The following EXOC6B variants were observed in gnomAD, a reference collection of about 807,000 sequenced individuals.
EXOC6B encodes the protein SEC15 homolog B.
EXOC6B carries 54 observed loss-of-function variants against 113.5 expected under a neutral mutation model. The observed-to-expected ratio is 0.48, with a 90% CI of 0.38 to 0.60. The LOEUF (loss-of-function observed/expected upper bound fraction) is 0.60. EXOC6B is among the 20% of genes least tolerant of loss of function. EXOC6B has a pLI of 0.00. For synonymous variants in EXOC6B, 357 were observed against 339.0 expected (o/e 1.05, Z -0.58); for missense variants, 797 against 977.5 (o/e 0.82, Z 2.46).
chr2:72,470,339 C>G lies in EXOC6B; in HGVS notation c.1801-5000G>C, dbSNP rs188254721. ...CCTAGGTATTCTAATGTTTTTGAAG[C>G]TATTGTAAATAGGACTGCCTTCTTG... On this transcript the variant is annotated intron_variant, in intron 17 of 21. Transcript: ENST00000272427. 3.4e-3 allele frequency among the ~76,000 whole-genome samples: 513 copies of G among 152,178 alleles called. 1 individual carries two copies. The highest frequency in any genetic ancestry group is 0.011 in the African/African-American group (476 of 41,538).
chr2:72,395,675 T>C (rs1490716173), intron 18 of EXOC6B, among the ~76,000 whole-genome samples: 1 of 152,054 alleles, frequency 6.6e-6, no homozygotes, highest in African/African-American at 2.4e-5. Context: ...TGGAGAGAAA[T>C]AGCAAAGATT....
At position 72,178,816 on chromosome 2, in the gene EXOC6B, G is replaced by A. The variant is rs1677902781; in HGVS notation, c.*519C>T. 1 of 152,560 alleles carries A rather than the reference G, an allele frequency of 6.6e-6. No homozygotes were observed. The highest frequency in any genetic ancestry group is 2.4e-5 in the African/African-American group (1 of 41,444). 9.5% of individuals were successfully genotyped at this position (152,560 alleles called of 1,614,324 possible). On this transcript the variant is annotated 3_prime_UTR_variant, in exon 22 of 22. Coordinates refer to ENST00000272427, the MANE Select transcript of EXOC6B (RefSeq NM_015189.3). ...GTTCACAAGCCAGTGAAAGTCAGCA[G>A]ACTGAGGAGATGACCCTCCAGAGCT...
At chr2:72,585,569 C>T (rs959386893) in intron 6 of EXOC6B, among the ~76,000 whole-genome samples, 1 of 151,490 alleles carries the variant, frequency 6.6e-6, no homozygotes, top group African/African-American at 2.4e-5. Flanking sequence ...TGCACTCCAG[C>T]CTGGGCAACT....
chr2:72,492,452 C>T, intron 15 of EXOC6B, 23 bp from the exon 16 acceptor site: 2 of 1,477,410 alleles, frequency 1.4e-6, no homozygotes, highest in South Asian at 2.3e-5. Context: ...CATTAAGAGT[C>T]AGTCATAGCA....
chr2:72,505,771 C>T (rs965566958), intron 11 of EXOC6B, among the ~76,000 whole-genome samples: 3 of 152,046 alleles, frequency 2.0e-5, no homozygotes, highest in Admixed American at 6.6e-5. Flanking sequence ...ATCTTGAATA[C>T]GTTTTGGAGG....
chr2:72,492,638 GT>G (rs1573246974), intron 15 of EXOC6B, among the ~76,000 whole-genome samples: 1 of 149,220 alleles, frequency 6.7e-6, no homozygotes, highest in African/African-American at 2.4e-5. Flanking sequence ...TTTGAAAATT[GT>G]TTTTCTGTCT....
intron 18 of EXOC6B, among the ~76,000 whole-genome samples, chr2:72,396,159 T>C (rs1422294647): frequency 6.6e-6 from 1 of 152,182 alleles, no homozygotes; most frequent in African/African-American, 2.4e-5. Context: ...TTTGAGAGGA[T>C]ACTCTTAAAT....
chr2:72,188,702 C>G (rs538208764), intron 20 of EXOC6B, among the ~76,000 whole-genome samples: 8 of 152,332 alleles, frequency 5.3e-5, no homozygotes, highest in South Asian at 4.1e-4. Flanking sequence ...TGTTAGATTG[C>G]TATAAATTCT....
chr2:72,212,014 G>C (rs1359374683), intron 20 of EXOC6B, among the ~76,000 whole-genome samples: 1 of 151,784 alleles, frequency 6.6e-6, no homozygotes, highest in Admixed American at 6.6e-5. Context: ...TCCCTTAAGT[G>C]TGCCGAAGTG....
At chr2:72,492,219 G>A (rs1699776338) in intron 16 of EXOC6B, 99 bp downstream of exon 16, 1 of 543,510 alleles carries the variant, frequency 1.8e-6, no homozygotes, top group East Asian at 2.9e-5. Context: ...CTATCAGGAA[G>A]AGCATGTAGA....
intron 20 of EXOC6B, among the ~76,000 whole-genome samples, chr2:72,270,850 C>T (rs972617801): frequency 5.3e-5 from 8 of 151,944 alleles, no homozygotes; most frequent in Non-Finnish European, 1.0e-4. Flanking sequence ...TAAGCCTCAC[C>T]TAAATGGTTC....
At chr2:72,622,988 T>C (rs1438996189) in intron 6 of EXOC6B, among the ~76,000 whole-genome samples, 4 of 152,112 alleles carry the variant, frequency 2.6e-5, no homozygotes, top group African/African-American at 4.8e-5. Flanking sequence ...ATAAAGGTTA[T>C]AGGGACTGAA....
At chr2:72,551,734 G>A (rs1226292601) in intron 8 of EXOC6B, among the ~76,000 whole-genome samples, 1 of 151,482 alleles carries the variant, frequency 6.6e-6, no homozygotes, top group Non-Finnish European at 1.5e-5. Context: ...CTGACCTAGT[G>A]ATCCGCCCGC....
intron 18 of EXOC6B, among the ~76,000 whole-genome samples, chr2:72,448,065 TTC>T (rs1474577121): frequency 6.6e-6 from 1 of 152,196 alleles, no homozygotes; most frequent in African/African-American, 2.4e-5. Context: ...AGAGTCCAAT[TTC>T]CTTATGTGCC....
At chr2:72,589,667 A>G (rs1705808079) in intron 6 of EXOC6B, among the ~76,000 whole-genome samples, 1 of 152,034 alleles carries the variant, frequency 6.6e-6, no homozygotes, top group Non-Finnish European at 1.5e-5. Context: ...GTTTTCACCT[A>G]GCAAAACTAA....
In EXOC6B at chr2:72,559,469, T is replaced by C; in HGVS notation, c.899A>G (p.His300Arg). ...VDFSPVYRCL[H>R]IYSVLGARET... The stretch of plus-strand genomic sequence containing the variant: ...AAGACTCACCAGGACAGAATATATA[T>C]GTAGACATCGATAAACTGGAGAGAA... The change falls in exon 8 of 22, where the codon CAT becomes CGT. Residue 300 changes from histidine to arginine, a missense_variant. His to Arg is a conservative substitution (Grantham distance 29). Transcript: ENST00000272427. 6.2e-7 allele frequency: 1 copy of C among 1,612,578 alleles called. No homozygotes were observed. The highest frequency in any genetic ancestry group is 8.5e-7 in the Non-Finnish European group (1 of 1,179,310).
At chr2:72,404,657 AG>A (rs1183872763) in intron 18 of EXOC6B, among the ~76,000 whole-genome samples, 1 of 152,228 alleles carries the variant, frequency 6.6e-6, no homozygotes, top group African/African-American at 2.4e-5. Context: ...CCCGACTGTT[AG>A]AAGGAAAACT....
chr2:72,185,183 T>C (rs1307379137), intron 20 of EXOC6B, among the ~76,000 whole-genome samples: 1 of 152,240 alleles, frequency 6.6e-6, no homozygotes, highest in Non-Finnish European at 1.5e-5. Context: ...ACAGTACTTT[T>C]TGACTCAAGA....
intron 20 of EXOC6B, among the ~76,000 whole-genome samples, chr2:72,319,856 G>A (rs947731499): frequency 4.0e-5 from 6 of 149,074 alleles, no homozygotes; most frequent in African/African-American, 1.5e-4. Context: ...TTTTTTTTGA[G>A]ACGAAGTCTC....
Sources: allele counts gnomAD v4.1 joint callset (sites outside exome capture counted in the v4.1 genomes callset), GRCh38; gene constraint gnomAD v4.1.1; transcripts MANE v1.5; gene names NCBI Gene and HGNC (gene_info 2026-07-23, HGNC 2026-07-21).